The following LRRTM4 variants were observed in gnomAD, a reference collection of about 807,000 sequenced individuals.
The protein encoded by LRRTM4 is leucine-rich repeat transmembrane neuronal protein 4.
A neutral mutation model predicts 47.6 loss-of-function variants in LRRTM4; 25 were observed. That is an observed-to-expected ratio of 0.53 (90% confidence interval 0.38 to 0.73). The LOEUF is 0.73. Ranked by LOEUF, LRRTM4 falls within the 30% of genes least tolerant of loss-of-function variation. LRRTM4 has a pLI of 0.00. For missense variants in LRRTM4, 638 were observed against 713.4 expected (o/e 0.89, Z 1.20); for synonymous variants, 311 against 269.5 (o/e 1.15, Z -1.51).
At chr2:77,426,765 T>C (rs568235108) in intron 3 of LRRTM4, among the ~76,000 whole-genome samples, 12 of 152,136 alleles carry the variant, frequency 7.9e-5, no homozygotes, top group Non-Finnish European at 1.2e-4. Context: ...TCTCTCCATG[T>C]GTATGTGAGT....
intron 3 of LRRTM4, among the ~76,000 whole-genome samples, chr2:77,369,657 A>G (rs1672588822): frequency 6.6e-6 from 1 of 151,764 alleles, no homozygotes; most frequent in Non-Finnish European, 1.5e-5. Flanking sequence ...GTTCTCAAAA[A>G]TGCATCGTTA....
intron 3 of LRRTM4, among the ~76,000 whole-genome samples, chr2:76,809,653 T>C (rs181750584): frequency 1.5e-3 from 222 of 152,282 alleles, no homozygotes; most frequent in Admixed American, 3.9e-3. Context: ...CATGCACTCT[T>C]CTGCTTAGTG....
At chr2:77,247,192 T>G (rs564082807) in intron 3 of LRRTM4, among the ~76,000 whole-genome samples, 2 of 152,156 alleles carry the variant, frequency 1.3e-5, no homozygotes, top group African/African-American at 2.4e-5. Flanking sequence ...TAGTAAACAC[T>G]TGACAATACA....
chr2:77,449,131 G>GA (rs1676160588), intron 3 of LRRTM4, among the ~76,000 whole-genome samples: 2 of 152,098 alleles, frequency 1.3e-5, no homozygotes, highest in African/African-American at 2.4e-5. Flanking sequence ...ATTTTAGGCT[G>GA]AAAAAGGACC....
At chr2:77,372,791 T>C (rs1162560902) in intron 3 of LRRTM4, among the ~76,000 whole-genome samples, 2 of 151,556 alleles carry the variant, frequency 1.3e-5, no homozygotes, top group African/African-American at 4.8e-5. Flanking sequence ...GTGTGTTTGG[T>C]CTTTTGGGGT....
chr2:76,766,931 A>G (rs1673479090), intron 3 of LRRTM4, among the ~76,000 whole-genome samples: 1 of 152,204 alleles, frequency 6.6e-6, no homozygotes, highest in African/African-American at 2.4e-5. Flanking sequence ...ACCCTAGGCT[A>G]TAAATATAGA....
chr2:77,036,474 C>G (rs1020451343), intron 3 of LRRTM4, among the ~76,000 whole-genome samples: 1 of 151,786 alleles, frequency 6.6e-6, no homozygotes, highest in South Asian at 2.1e-4. Flanking sequence ...TCATCCTTTA[C>G]AGAACTATTG....
At chr2:77,375,093 T>A (rs2103778641) in intron 3 of LRRTM4, among the ~76,000 whole-genome samples, 1 of 151,522 alleles carries the variant, frequency 6.6e-6, no homozygotes, top group South Asian at 2.1e-4. Context: ...CTTTCTTGCC[T>A]TTTTTTTCTC....
intron 3 of LRRTM4, among the ~76,000 whole-genome samples, chr2:77,087,595 A>T (rs1358217221): frequency 6.6e-6 from 1 of 152,238 alleles, no homozygotes; most frequent in Admixed American, 6.5e-5. Context: ...AAGTTATCAA[A>T]TACATGACTA....
chr2:77,470,379 G>C (rs1558758443), intron 3 of LRRTM4, among the ~76,000 whole-genome samples: 1 of 152,106 alleles, frequency 6.6e-6, no homozygotes, highest in Non-Finnish European at 1.5e-5. Flanking sequence ...ACATAAAACA[G>C]AGACCAAATA....
chr2:77,438,430 G>C (rs191032679), intron 3 of LRRTM4, among the ~76,000 whole-genome samples: 2,337 of 115,980 alleles, frequency 0.02, 86 homozygotes, highest in African/African-American at 0.08. Flanking sequence ...TTTTTGAGAT[G>C]GAGTCTCGCT....
chr2:76,975,646 G>C (rs1676394021), intron 3 of LRRTM4, among the ~76,000 whole-genome samples: 1 of 151,620 alleles, frequency 6.6e-6, no homozygotes, highest in Non-Finnish European at 1.5e-5. Context: ...GCCAAGGTTA[G>C]AAGTTAACTG....
rs377679723 is a variant in LRRTM4, at chr2:77,184,692, A to T, written c.1551+333626T>A. Among the ~76,000 whole-genome samples the T allele has an allele frequency of 7.2e-5, 11 of 152,272 alleles. No individual in the cohort carries two copies. The East Asian group carries it at 1.4e-3, about 19-fold the overall frequency. ...GATCCCTCCCAGCCATAAATAAAAC[A>T]AGCACAATTCAGAAAAACTGATATC... On this transcript the variant is annotated intron_variant, in intron 3 of 3. Coordinates refer to ENST00000409884, the MANE Select transcript of LRRTM4 (RefSeq NM_001134745.3).
At chr2:77,020,055 C>T (rs758088457) in intron 3 of LRRTM4, among the ~76,000 whole-genome samples, 2 of 151,904 alleles carry the variant, frequency 1.3e-5, no homozygotes, top group East Asian at 3.9e-4. Context: ...ACTTAATGAA[C>T]TTATGAATCT....
intron 3 of LRRTM4, among the ~76,000 whole-genome samples, chr2:77,224,552 G>T (rs186613344): frequency 6.6e-6 from 1 of 152,090 alleles, no homozygotes. Flanking sequence ...GTGGGCAAAG[G>T]ATAAGAACAG....
At chr2:77,413,866 AC>A (rs1174453092) in intron 3 of LRRTM4, among the ~76,000 whole-genome samples, 9 of 151,514 alleles carry the variant, frequency 5.9e-5, no homozygotes, top group Non-Finnish European at 1.2e-4. Flanking sequence ...ACACACACAC[AC>A]AAAACCCCAT....
chr2:77,482,929 TGGCC>T (rs1677763397), intron 3 of LRRTM4, among the ~76,000 whole-genome samples: 1 of 151,642 alleles, frequency 6.6e-6, no homozygotes, highest in Non-Finnish European at 1.5e-5. Flanking sequence ...AAGACCATCC[TGGCC>T]AACATGGTAA....
At chr2:76,797,610 T>G (rs180775284) in intron 3 of LRRTM4, among the ~76,000 whole-genome samples, 45 of 150,534 alleles carry the variant, frequency 3.0e-4, no homozygotes, top group African/African-American at 1.1e-3. Flanking sequence ...AATTCACACA[T>G]AACAATATTA....
chr2:76,887,230 A>G (rs903927608), intron 3 of LRRTM4, among the ~76,000 whole-genome samples: 36 of 151,854 alleles, frequency 2.4e-4, no homozygotes, highest in Non-Finnish European at 1.9e-4. Flanking sequence ...AGCAAAAGTT[A>G]TATAGTATCA....
Sources: gnomAD v4.1 joint callset for allele counts (sites outside exome capture counted in the v4.1 genomes callset) on GRCh38, gnomAD v4.1.1 for gene constraint, MANE v1.5 for transcripts, NCBI Gene and HGNC (gene_info 2026-07-23, HGNC 2026-07-21) for gene names.